The following B4GALT6 variants were observed in gnomAD, a reference collection of about 807,000 sequenced individuals.
B4GALT6 encodes beta-1,4-galactosyltransferase 6.
A neutral mutation model predicts 46.3 loss-of-function variants in B4GALT6; 14 were observed. The ratio of observed to expected loss-of-function variants is 0.30; its 90% CI spans 0.20 to 0.47. The LOEUF (loss-of-function observed/expected upper bound fraction) is 0.47. B4GALT6 is among the 20% of genes least tolerant of loss of function. The pLI is 0.99. For synonymous variants in B4GALT6, 168 were observed against 162.0 expected (o/e 1.04, Z -0.28); for missense variants, 386 against 480.1 (o/e 0.80, Z 1.83).
chr18:31,684,827 G>A (rs1465473236), upstream of B4GALT6: 10 of 963,276 alleles, frequency 1.0e-5, no homozygotes, highest in Admixed American at 5.5e-5. Context: ...TGCGGAGAGG[G>A]GCAGCTAACT....
the B4GALT6 span, among the ~76,000 whole-genome samples, chr18:31,709,603 G>A: frequency 0.73 from 98,710 of 135,274 alleles, 36,004 homozygotes; most frequent in South Asian, 0.81. Flanking sequence ...GTGTGTGTGT[G>A]TATATATATA....
At chr18:31,706,612 C>T in the B4GALT6 span, among the ~76,000 whole-genome samples, 1 of 152,070 alleles carries the variant, frequency 6.6e-6, no homozygotes. Flanking sequence ...CCAGCCTGGG[C>T]CACAGAGTGA....
chr18:31,714,127 A>G, the B4GALT6 span, among the ~76,000 whole-genome samples: 1 of 152,240 alleles, frequency 6.6e-6, no homozygotes, highest in Admixed American at 6.5e-5. Context: ...ATTTAAATTT[A>G]CATTTTAATT....
chr18:31,699,796 TAACTC>T, the B4GALT6 span, among the ~76,000 whole-genome samples: 7 of 152,120 alleles, frequency 4.6e-5, no homozygotes, highest in South Asian at 4.1e-4. Flanking sequence ...TAAAGTGTAA[TAACTC>T]AGCTCACTAA....
intron 1 of B4GALT6, among the ~76,000 whole-genome samples, chr18:31,668,906 G>T (rs1249001964): frequency 2.0e-5 from 3 of 151,842 alleles, no homozygotes; most frequent in Admixed American, 6.6e-5. Context: ...AGCTACTCGG[G>T]AGGCTGAGGC....
chr18:31,700,785 A>G, the B4GALT6 span, among the ~76,000 whole-genome samples: 3 of 152,054 alleles, frequency 2.0e-5, no homozygotes, highest in African/African-American at 7.2e-5. Flanking sequence ...TTAGACTACA[A>G]GGATGACCTT....
chr18:31,712,606 G>A, the B4GALT6 span, among the ~76,000 whole-genome samples: 7 of 152,086 alleles, frequency 4.6e-5, no homozygotes, highest in Admixed American at 6.5e-5. Flanking sequence ...GTGAGCCACC[G>A]CACCTGTCCA....
chr18:31,669,003 G>A (rs1486552608), intron 1 of B4GALT6, among the ~76,000 whole-genome samples: 1 of 149,818 alleles, frequency 6.7e-6, no homozygotes, highest in East Asian at 2.0e-4. Context: ...GTGACAGAGT[G>A]AGACCCTGTG....
chr18:31,657,280 G>C (rs1269166739), intron 3 of B4GALT6, among the ~76,000 whole-genome samples: 1 of 151,882 alleles, frequency 6.6e-6, no homozygotes, highest in African/African-American at 2.4e-5. Flanking sequence ...CATCAGTGGG[G>C]AAACAGGTAA....
rs1405260107 is a variant in B4GALT6 at position 31,673,238 on chromosome 18, G to A, written c.116-6866C>T. ...CCCTGAGTGGAGATGGGTAGTAACGGAAGTTAGGAAGGGTCAAGCAGATGG... is the reference window on the plus strand; with the variant it reads ...CCCTGAGTGGAGATGGGTAGTAACGAAAGTTAGGAAGGGTCAAGCAGATGG... On this transcript the variant is annotated intron_variant, in intron 1 of 8. Coordinates refer to ENST00000306851, the MANE Select transcript of B4GALT6 (RefSeq NM_004775.5). 3.3e-5 allele frequency among the ~76,000 whole-genome samples: 5 copies of A among 152,206 alleles called. No individual in the cohort carries two copies. The South Asian group carries it at 1.0e-3, about 32-fold the overall frequency.
chr18:31,660,300 CT>C (rs952184938), intron 2 of B4GALT6, among the ~76,000 whole-genome samples: 1 of 151,614 alleles, frequency 6.6e-6, no homozygotes, highest in Non-Finnish European at 1.5e-5. Flanking sequence ...TTGTTTTTTT[CT>C]TTTTGTTTTT....
At chr18:31,642,922 C>A (rs1356837343) in intron 4 of B4GALT6, among the ~76,000 whole-genome samples, 1 of 152,150 alleles carries the variant, frequency 6.6e-6, no homozygotes, top group Non-Finnish European at 1.5e-5. Context: ...TGAAAGATCT[C>A]AGTTCTAATT....
At chr18:31,693,066 A>G in the B4GALT6 span, among the ~76,000 whole-genome samples, 2 of 152,192 alleles carry the variant, frequency 1.3e-5, no homozygotes, top group African/African-American at 4.8e-5. Context: ...TGCTTCCTCA[A>G]ATATTTCCTT....
chr18:31,644,330 TAC>T (rs999400511), intron 4 of B4GALT6, among the ~76,000 whole-genome samples: 42 of 152,264 alleles, frequency 2.8e-4, no homozygotes, highest in African/African-American at 9.9e-4. Context: ...GTGTTGGGAA[TAC>T]AGATACAAAT....
At chr18:31,632,105 T>C (rs988525821) in intron 5 of B4GALT6, among the ~76,000 whole-genome samples, 7 of 152,166 alleles carry the variant, frequency 4.6e-5, no homozygotes, top group Non-Finnish European at 1.0e-4. Flanking sequence ...TAGCAACATT[T>C]AACAAAACCA....
chr18:31,701,735 ATGAT>A, the B4GALT6 span, among the ~76,000 whole-genome samples: 1 of 152,316 alleles, frequency 6.6e-6, no homozygotes, highest in East Asian at 1.9e-4. Context: ...AAGAAAATAA[ATGAT>A]TGACAAATGT....
intron 1 of B4GALT6, among the ~76,000 whole-genome samples, chr18:31,669,943 C>A (rs1240252549): frequency 6.6e-6 from 1 of 152,176 alleles, no homozygotes; most frequent in African/African-American, 2.4e-5. Flanking sequence ...AGGACTGACC[C>A]TGGCCTAAGA....
the B4GALT6 span, among the ~76,000 whole-genome samples, chr18:31,709,434 C>CATATATATATATATATATATATAT: frequency 3.1e-4 from 41 of 130,954 alleles, 1 homozygote; most frequent in African/African-American, 1.2e-3. Flanking sequence ...GCAATTCATA[C>CATATATATATATATATATATATAT]ATATATATAT....
chr18:31,704,182 G>A, the B4GALT6 span, among the ~76,000 whole-genome samples: 3 of 151,420 alleles, frequency 2.0e-5, no homozygotes, highest in Middle Eastern at 3.4e-3. Context: ...AATATAATTG[G>A]TTAGGCAAAA....
Sources: gnomAD v4.1 joint callset for allele counts (sites outside exome capture counted in the v4.1 genomes callset) on GRCh38, gnomAD v4.1.1 for gene constraint, MANE v1.5 for transcripts, NCBI Gene and HGNC (gene_info 2026-07-23, HGNC 2026-07-21) for gene names.